Variants in SLC5A8 observed in about 807,000 individuals in gnomAD.
SLC5A8 encodes the protein sodium-coupled monocarboxylate transporter 1.
Under a neutral mutation model 71.9 loss-of-function variants are expected in SLC5A8, and 55 were observed. The observed-to-expected ratio is 0.77, with a 90% CI of 0.62 to 0.96. The LOEUF is 0.96. SLC5A8 is among the 40% of genes least tolerant of loss of function. The pLI, the probability that SLC5A8 is intolerant of heterozygous loss-of-function variation, is 0.00. For missense variants in SLC5A8, 701 were observed against 745.3 expected (o/e 0.94, Z 0.69); for synonymous variants, 307 against 276.1 (o/e 1.11, Z -1.11).
intron 6 of SLC5A8, among the ~76,000 whole-genome samples, chr12:101,189,854 A>G (rs1007566568): frequency 6.6e-6 from 1 of 152,196 alleles, no homozygotes; most frequent in African/African-American, 2.4e-5. Flanking sequence ...GAACTTACAT[A>G]TACTAGGCCT....
chr12:101,208,781 C>T (rs1297989273), intron 1 of SLC5A8, among the ~76,000 whole-genome samples: 1 of 152,194 alleles, frequency 6.6e-6, no homozygotes, highest in South Asian at 2.1e-4. Context: ...TGGCCAATAC[C>T]TATCTGGCAC....
chr12:101,174,182 T>G (rs990443628), intron 10 of SLC5A8, among the ~76,000 whole-genome samples: 1 of 152,202 alleles, frequency 6.6e-6, no homozygotes, highest in African/African-American at 2.4e-5. Flanking sequence ...GTGCCATTAC[T>G]TACTTGCTCA....
chr12:101,205,088 T>C (rs1869622533), intron 1 of SLC5A8, among the ~76,000 whole-genome samples: 1 of 152,204 alleles, frequency 6.6e-6, no homozygotes. Context: ...TTGCCCTGCC[T>C]CTTCTGACCA....
rs769298278 is a variant in SLC5A8, at chr12:101,180,065, C to T, written c.1197G>A (p.Met399Ile). 1 of 1,614,036 alleles carries T rather than the reference C, an allele frequency of 6.2e-7. No individual in the cohort carries two copies. The highest frequency in any genetic ancestry group is 1.7e-5 in the Admixed American group (1 of 60,022). ...SVVYGALCIG[M>I]AALASLMGAL... ...CTCCCATAAGTGACGCCAGCGCAGC[C>T]ATTCCAATACACAGGGCTCCATACA... The change falls in exon 10 of 15, where the codon ATG (methionine) becomes ATA (isoleucine). Residue 399 changes from methionine (M) to isoleucine (I), a missense_variant. Coordinates refer to ENST00000536262, the MANE Select transcript of SLC5A8 (RefSeq NM_145913.5).
intron 1 of SLC5A8, among the ~76,000 whole-genome samples, chr12:101,205,469 G>A (rs777056596): frequency 3.3e-5 from 5 of 152,142 alleles, no homozygotes; most frequent in Non-Finnish European, 5.9e-5. Context: ...TAGGATCATA[G>A]AATTTCAGAG....
intron 3 of SLC5A8, among the ~76,000 whole-genome samples, chr12:101,196,764 G>T (rs1869193875): frequency 6.6e-6 from 1 of 152,092 alleles, no homozygotes; most frequent in Non-Finnish European, 1.5e-5. Flanking sequence ...ATTCATTATG[G>T]CTTAGAGTTG....
In SLC5A8 at chr12:101,157,502, A is replaced by G. The variant is rs560158873; in HGVS notation, c.1711-101T>C. 4.7e-5 allele frequency: 66 copies of G among 1,392,036 alleles called. No homozygotes were observed. The African/African-American group carries it at 8.8e-4, about 19-fold the overall frequency. The allele number at this position is 1,392,036 out of a possible 1,614,324, so 86.2% of individuals were successfully genotyped here. ...TCTACTATTTTTATTTCTCTGCATC[A>G]GCTTTCTAATCTACTGAGGGAGAGA... is the stretch of plus-strand genomic sequence containing the variant. On this transcript the variant is annotated intron_variant, in intron 14 of 14. Transcript: ENST00000536262.
rs779526390 is a variant in SLC5A8, at chr12:101,187,356, T to C, written c.963+30A>G. The C allele has an allele frequency of 5.0e-6, 8 of 1,594,556 alleles. No individual in the cohort carries two copies. The Admixed American group carries it at 5.3e-5, about 11-fold the overall frequency. ...TAATAAGCTTTTTGAATATTATTAATACACCTGTAAGAAAGACATGGTACT... is the reference window on the plus strand; with the variant it reads ...TAATAAGCTTTTTGAATATTATTAACACACCTGTAAGAAAGACATGGTACT... On this transcript the variant is annotated intron_variant, in intron 7 of 14. Transcript: ENST00000536262.
chr12:101,193,570 T>A, intron 5 of SLC5A8, 55 bp downstream of exon 5: 1 of 1,527,222 alleles, frequency 6.5e-7, no homozygotes, highest in Non-Finnish European at 8.8e-7. Flanking sequence ...AATAAAGAGA[T>A]TATTTTTATA....
intron 6 of SLC5A8, among the ~76,000 whole-genome samples, chr12:101,187,743 T>A (rs908709839): frequency 1.3e-5 from 2 of 152,248 alleles, no homozygotes; most frequent in Admixed American, 1.3e-4. Context: ...GATTTCCCCA[T>A]GAAAGAGTGT....
chr12:101,195,234 G>A, intron 3 of SLC5A8, 72 bp from the exon 4 acceptor site: 4 of 1,515,354 alleles, frequency 2.6e-6, no homozygotes, highest in Non-Finnish European at 2.7e-6. Flanking sequence ...AAAATCATCA[G>A]AGAAGGAAGC....
intron 10 of SLC5A8, among the ~76,000 whole-genome samples, chr12:101,171,621 G>A (rs375445735): frequency 6.6e-6 from 1 of 152,160 alleles, no homozygotes; most frequent in African/African-American, 2.4e-5. Flanking sequence ...TCATGAGAAT[G>A]GGGTTCGGCT....
chr12:101,196,341 T>C (rs1439812040), intron 3 of SLC5A8, among the ~76,000 whole-genome samples: 5 of 152,216 alleles, frequency 3.3e-5, no homozygotes, highest in Admixed American at 1.3e-4. Context: ...GGGGACTTTA[T>C]TTCATTTTTT....
chr12:101,169,967 C>T (rs1260957450), intron 10 of SLC5A8, among the ~76,000 whole-genome samples: 1 of 152,132 alleles, frequency 6.6e-6, no homozygotes. Flanking sequence ...GAAGGGAATG[C>T]AAATGTATCC....
chr12:101,160,783 T>C (rs998171687), intron 13 of SLC5A8, among the ~76,000 whole-genome samples: 2 of 151,932 alleles, frequency 1.3e-5, no homozygotes, highest in Non-Finnish European at 2.9e-5. Flanking sequence ...ATAGTAGACC[T>C]AAAAGACACG....
intron 5 of SLC5A8, among the ~76,000 whole-genome samples, 189 bp downstream of exon 5, chr12:101,193,436 T>C (rs773178024): frequency 3.3e-5 from 5 of 152,252 alleles, no homozygotes; most frequent in Non-Finnish European, 5.9e-5. Flanking sequence ...AAGTACCATC[T>C]GACAGGTTTA....
At position 101,168,091 on chromosome 12, in the gene SLC5A8, C is replaced by A; in HGVS notation, c.1320+5G>T. 1 of 1,603,106 alleles carries A rather than the reference C, an allele frequency of 6.2e-7. No homozygotes were observed. Among genetic ancestry groups the A allele is most frequent in the South Asian group, 1.1e-5 (1 of 88,902 alleles). ...TCCTCAAGCATATTCATTCTTTGTA[C>A]TTACAATTGAGTTGGCAAAGGGAAC... On this transcript the variant is annotated splice_donor_5th_base_variant and intron_variant, in intron 11 of 14. Coordinates refer to ENST00000536262, the MANE Select transcript of SLC5A8 (RefSeq NM_145913.5).
chr12:101,196,103 G>A (rs984843630), intron 3 of SLC5A8, among the ~76,000 whole-genome samples: 3 of 152,098 alleles, frequency 2.0e-5, no homozygotes, highest in African/African-American at 7.2e-5. Context: ...CATCACCCAG[G>A]TATCAAGCCT....
In SLC5A8 at chr12:101,155,699, C is replaced by G. The variant is rs2051653431; in HGVS notation, c.*1580G>C. 6.6e-6 allele frequency: 1 copy of G among 150,408 alleles called. No homozygotes were observed. Among genetic ancestry groups the G allele is most frequent in the South Asian group, 2.1e-4 (1 of 4,786 alleles). The allele number at this position is 150,408 out of a possible 1,614,324, so 9.3% of individuals were successfully genotyped here. A position where few individuals can be genotyped will look rare whatever the true frequency, so the allele number is the denominator to read the frequency against. ...TTATTTTTGTAGAGATGAGGTCTAA[C>G]TATGTTTCCAGGCTGGACTTAAACT... is the stretch of plus-strand genomic sequence containing the variant. On this transcript the variant is annotated 3_prime_UTR_variant, in exon 15 of 15. Transcript: ENST00000536262.
Sources: gnomAD v4.1 joint callset for allele counts (sites outside exome capture counted in the v4.1 genomes callset) on GRCh38, gnomAD v4.1.1 for gene constraint, MANE v1.5 for transcripts, NCBI Gene and HGNC (gene_info 2026-07-23, HGNC 2026-07-21) for gene names.